SLCO4A1: variants seen among roughly 807,000 people sequenced by gnomAD.
The protein encoded by SLCO4A1 is colon organic anion transporter.
Under a neutral mutation model 64.6 loss-of-function variants are expected in SLCO4A1, and 51 were observed. The observed-to-expected ratio is 0.79, with a 90% CI of 0.63 to 1.00. The LOEUF is 1.00. Among genes scored for constraint, SLCO4A1 ranks in the 50% least tolerant of loss-of-function variants. The pLI is 0.00. For missense variants in SLCO4A1, 919 were observed against 980.5 expected, an observed-to-expected ratio of 0.94 and a Z score of 0.84; for synonymous variants, 471 against 444.9, an observed-to-expected ratio of 1.06 and a Z score of -0.74.
Position 62,666,504 on chromosome 20 carries a change from G to A in SLCO4A1, c.1401G>A (p.Leu467=). 1 of 1,613,482 alleles carries A rather than the reference G, an allele frequency of 6.2e-7. No homozygotes were observed. The highest frequency in any genetic ancestry group is 8.5e-7 in the Non-Finnish European group (1 of 1,179,974). Residue 467 remains leucine (L), a synonymous_variant, in exon 7 of 12, where the codon CTG becomes CTA. Transcript: ENST00000217159. ...TGTTCTGCACCGTTGTCAGCCTGCTGGGCATCCTCGTCTTCTCACTGCACT... is the reference window on the plus strand; with the variant it reads ...TGTTCTGCACCGTTGTCAGCCTGCTAGGCATCCTCGTCTTCTCACTGCACT... ...FCLFCTVVSL[L]GILVFSLHCP... is the part of the protein sequence containing the mutation.
Position 62,657,245 on chromosome 20 carries a change from A to C in SLCO4A1, c.791A>C (p.Tyr264Ser). The part of the protein sequence containing the change: ...ENVKSSCSPV[Y>S]IAIFYTAAIL... ...GTCAAGTCCAGCTGCTCGCCCGTCT[A>C]CATTGGTGAGTGGGGCTGGCGGGGT... Residue 264 changes from tyrosine to serine, a missense_variant, in exon 2 of 12, where the codon TAC becomes TCC. Physicochemically the swap from Tyr to Ser is moderately radical, Grantham distance 144. Transcript: ENST00000217159. 1.3e-6 allele frequency: 2 copies of C among 1,524,906 alleles called. No homozygotes were observed. The highest frequency in any genetic ancestry group is 1.8e-6 in the Non-Finnish European group (2 of 1,128,794). 94.5% of individuals were successfully genotyped at this position (1,524,906 alleles called of 1,614,324 possible).
downstream of SLCO4A1, among the ~76,000 whole-genome samples, chr20:62,676,549 G>T (rs4549159): frequency 6.6e-6 from 1 of 152,104 alleles, no homozygotes; most frequent in East Asian, 1.9e-4. Flanking sequence ...AGGAGAAGAT[G>T]CTCAAGATTT....
chr20:62,658,776 C>T lies in SLCO4A1; in HGVS notation c.887+9C>T. On this transcript the variant is annotated intron_variant, in intron 3 of 11. Coordinates refer to ENST00000217159, the MANE Select transcript of SLCO4A1 (RefSeq NM_016354.4). ...ACGGAAATGGGCCGACGGTGAGTGG[C>T]CGCGCACCCAGCTGCCTGCGCTGGA... The T allele has an allele frequency of 1.3e-6, 2 of 1,596,632 alleles. No individual in the cohort carries two copies. Among genetic ancestry groups the T allele is most frequent in the Admixed American group, 1.7e-5 (1 of 57,890 alleles).
At chr20:62,678,947 G>A (rs1327020762) in intron 2 of SLCO4A1, among the ~76,000 whole-genome samples, 3 of 152,208 alleles carry the variant, frequency 2.0e-5, no homozygotes, top group Non-Finnish European at 1.5e-5. Flanking sequence ...GGCTGGGCAA[G>A]GTGGCTCGCG....
rs896148601 is a variant in SLCO4A1 at position 62,685,755 on chromosome 20, C to T, written n.526C>T. On this transcript the variant is annotated non_coding_transcript_exon_variant, in exon 3 of 3. Coordinates refer to the SLCO4A1 transcript ENST00000466818. This position sits in a 1 kb window ranked among gnomAD's most constrained non-coding sequence, Gnocchi z 4.6. ...CTTATAATAAGTGTGCAGATGCGCC[C>T]GTTCTAAGGAAATAAAGGGTTCTGC... 5 of 152,158 alleles carry T rather than the reference C, an allele frequency of 3.3e-5. No individual in the cohort carries two copies. Among genetic ancestry groups the T allele is most frequent in the Admixed American group, 2.0e-4 (3 of 15,272 alleles). 9.4% of individuals were successfully genotyped at this position (152,158 alleles called of 1,614,324 possible).
intron 1 of SLCO4A1, among the ~76,000 whole-genome samples, chr20:62,647,733 A>G (rs1322337640): frequency 6.6e-6 from 1 of 152,248 alleles, no homozygotes; most frequent in African/African-American, 2.4e-5. Flanking sequence ...GAAGTGGCAC[A>G]GGCCGGGCTG....
chr20:62,657,197 G>T lies in SLCO4A1; in HGVS notation c.743G>T (p.Gly248Val), dbSNP rs1488412668. 1.9e-6 allele frequency: 3 copies of T among 1,549,374 alleles called. No homozygotes were observed. Among genetic ancestry groups the T allele is most frequent in the East Asian group, 2.4e-5 (1 of 40,910 alleles). Residue 248 changes from glycine to valine, a missense_variant, in exon 2 of 12, where the codon GGC becomes GTC. Transcript: ENST00000217159. ...GVGATPLYTLGVTYLDENVKS... is the reference protein window; with the variant it reads ...GVGATPLYTLVVTYLDENVKS... ...GGTGCCACACCCCTCTACACGCTGG[G>T]CGTCACCTACCTGGATGAGAACGTC...
intron 1 of SLCO4A1, among the ~76,000 whole-genome samples, chr20:62,655,818 C>T (rs770317771): frequency 2.0e-5 from 3 of 152,220 alleles, no homozygotes; most frequent in Non-Finnish European, 2.9e-5. Context: ...GCTCCTTCCT[C>T]ACGCCAAAGG....
rs1367800560 is a variant in SLCO4A1, at chr20:62,645,634, A to G, written c.-97+3081A>G. 6.6e-6 allele frequency among the ~76,000 whole-genome samples: 1 copy of G among 151,730 alleles called. No individual in the cohort carries two copies. Among genetic ancestry groups the G allele is most frequent in the Non-Finnish European group, 1.5e-5 (1 of 67,908 alleles). On this transcript the variant is annotated intron_variant, in intron 1 of 11. Coordinates refer to ENST00000217159, the MANE Select transcript of SLCO4A1 (RefSeq NM_016354.4). The surrounding 1 kb of genome is among the most constrained non-coding windows in gnomAD (Gnocchi z 4.2). ...ACACAGAATTAGACCCTGGGACTACATTTCTGGCGGAAGGTGACTGCTTTT... is the reference window on the plus strand; with the variant it reads ...ACACAGAATTAGACCCTGGGACTACGTTTCTGGCGGAAGGTGACTGCTTTT...
chr20:62,647,738 G>A (rs1448321029), intron 1 of SLCO4A1, among the ~76,000 whole-genome samples: 8 of 152,258 alleles, frequency 5.3e-5, no homozygotes, highest in Admixed American at 6.5e-5. Flanking sequence ...GGCACAGGCC[G>A]GGCTGTGTCA....
chr20:62,679,178 T>G (rs1311303146), intron 2 of SLCO4A1, among the ~76,000 whole-genome samples: 1 of 152,158 alleles, frequency 6.6e-6, no homozygotes, highest in Non-Finnish European at 1.5e-5. Flanking sequence ...CACTCCAGCC[T>G]GGGCGACAGA....
chr20:62,675,041 T>TC (rs1330446259), downstream of SLCO4A1, among the ~76,000 whole-genome samples: 1 of 152,014 alleles, frequency 6.6e-6, no homozygotes, highest in Non-Finnish European at 1.5e-5. Flanking sequence ...ACTGTCCCGC[T>TC]CCATGCCCTG....
Position 62,656,982 on chromosome 20 carries a change from C to A in SLCO4A1, c.528C>A (p.Gly176=). 1 of 1,567,720 alleles carries A rather than the reference C, an allele frequency of 6.4e-7. No homozygotes were observed. The change falls in exon 2 of 12, where the codon GGC becomes GGA. Residue 176 remains glycine, a synonymous_variant. Coordinates refer to ENST00000217159, the MANE Select transcript of SLCO4A1 (RefSeq NM_016354.4). ...ACAAGCCGCGCTGGCTGGGCTGGGGCGTGCTGCTTATGGGCACGGGGTCGC... is the reference window on the plus strand; with the variant it reads ...ACAAGCCGCGCTGGCTGGGCTGGGGAGTGCTGCTTATGGGCACGGGGTCGC... The part of the protein sequence containing the change: ...SGHKPRWLGW[G]VLLMGTGSLV...
intron 2 of SLCO4A1, among the ~76,000 whole-genome samples, chr20:62,683,841 G>C (rs1284829349): frequency 6.6e-6 from 1 of 152,198 alleles, no homozygotes; most frequent in Non-Finnish European, 1.5e-5. Flanking sequence ...CCGGATGCAA[G>C]ATCACGTGAC....
intron 1 of SLCO4A1, among the ~76,000 whole-genome samples, chr20:62,654,267 C>A (rs1983216818): frequency 6.6e-6 from 1 of 152,226 alleles, no homozygotes; most frequent in South Asian, 2.1e-4. Context: ...GTTTAGGGCC[C>A]ACCCTAATCC....
chr20:62,674,853 G>A (rs1433375856), downstream of SLCO4A1, among the ~76,000 whole-genome samples: 10 of 152,212 alleles, frequency 6.6e-5, no homozygotes, highest in Non-Finnish European at 2.9e-5. Context: ...CTAGAAGACA[G>A]CCGTCTGCAG....
rs936162531 is a variant in SLCO4A1 at position 62,661,403 on chromosome 20, G to A, written c.1121+228G>A. Among the ~76,000 whole-genome samples, 8 of 152,074 alleles carry A rather than the reference G, an allele frequency of 5.3e-5. No homozygotes were observed. The highest frequency in any genetic ancestry group is 1.7e-4 in the African/African-American group (7 of 41,406). On this transcript the variant is annotated intron_variant, in intron 5 of 11. Coordinates refer to ENST00000217159, the MANE Select transcript of SLCO4A1 (RefSeq NM_016354.4). The surrounding 1 kb of genome is among the most constrained non-coding windows in gnomAD (Gnocchi z 5.2). ...CGTGGGAGAGTCCCAGAGTGGGGCC[G>A]GGGCCTCGGCCCGCACCCAGGGAGC...
At chr20:62,668,588 A>G (rs1986806766) in intron 10 of SLCO4A1, 47 bp downstream of exon 10, 9 of 1,521,234 alleles carry the variant, frequency 5.9e-6, no homozygotes, top group Non-Finnish European at 8.2e-6. Flanking sequence ...CAGTGTGCTC[A>G]CTGCACAAGG....
chr20:62,646,903 G>A (rs920044016), intron 1 of SLCO4A1, among the ~76,000 whole-genome samples: 4 of 152,236 alleles, frequency 2.6e-5, no homozygotes, highest in Non-Finnish European at 5.9e-5. Flanking sequence ...GGCTTCACCC[G>A]TCCTCCCCAC....
Sources: gnomAD v4.1 joint callset for allele counts (sites outside exome capture counted in the v4.1 genomes callset) on GRCh38, gnomAD v4.1.1 for gene constraint, Gnocchi (gnomAD v3.1) non-coding constraint, MANE v1.5 for transcripts, NCBI Gene and HGNC (gene_info 2026-07-23, HGNC 2026-07-21) for gene names.